KCNQ1: variants seen among roughly 807,000 people sequenced by gnomAD.
KCNQ1 encodes the protein potassium voltage-gated channel subfamily KQT member 1.
A neutral mutation model predicts 72.4 loss-of-function variants in KCNQ1; 49 were observed. That is an observed-to-expected ratio of 0.68 (90% CI 0.54 to 0.86). KCNQ1 has a LOEUF of 0.86. Among genes scored for constraint, KCNQ1 ranks in the 40% least tolerant of loss-of-function variants. KCNQ1 has a pLI of 0.00. For missense variants in KCNQ1, 790 were observed against 945.1 expected, an observed-to-expected ratio of 0.84 and a Z score of 2.15; for synonymous variants, 450 against 412.6, an observed-to-expected ratio of 1.09 and a Z score of -1.10.
chr11:2,534,800 C>G lies in KCNQ1; in HGVS notation c.477+6782C>G, dbSNP rs368230422. Among the ~76,000 whole-genome samples the G allele has an allele frequency of 1.7e-3, 258 of 152,366 alleles. 11 individuals carry two copies. In the South Asian group the frequency reaches 0.051, roughly 30 times the overall value. On this transcript the variant is annotated intron_variant, in intron 2 of 15. Coordinates refer to ENST00000155840, the MANE Select transcript of KCNQ1 (RefSeq NM_000218.3). Reference sequence around the variant, plus strand: ...CGTCTTCTCCCTGGCAGGGTTGTTTCCGCCTGCATTTGTTCAGCCAGCAAA... The same window carrying G: ...CGTCTTCTCCCTGGCAGGGTTGTTTGCGCCTGCATTTGTTCAGCCAGCAAA...
chr11:2,786,124 T>G (rs1373600972), intron 15 of KCNQ1, among the ~76,000 whole-genome samples: 1 of 152,156 alleles, frequency 6.6e-6, no homozygotes, highest in Non-Finnish European at 1.5e-5. Flanking sequence ...TTCATTTAAA[T>G]TTTCTTCAGT....
At position 2,673,949 on chromosome 11, in the gene KCNQ1, G is replaced by A; in HGVS notation, c.1514+11868G>A. The A allele has an allele frequency of 7.0e-6, 1 of 143,496 alleles. No homozygotes were observed. Among genetic ancestry groups the A allele is most frequent in the Non-Finnish European group, 1.5e-5 (1 of 65,798 alleles). 8.9% of individuals were successfully genotyped at this position (143,496 alleles called of 1,614,324 possible). On this transcript the variant is annotated intron_variant, in intron 11 of 15. Coordinates refer to ENST00000155840, the MANE Select transcript of KCNQ1 (RefSeq NM_000218.3). The surrounding 1 kb of genome is among the most constrained non-coding windows in gnomAD (Gnocchi z 4.5). ...GGAGTGTGTCTCTTTCCCCATGAGTGACAGCAGCCACAAGGGGATGCCCAG... is the reference window on the plus strand; with the variant it reads ...GGAGTGTGTCTCTTTCCCCATGAGTAACAGCAGCCACAAGGGGATGCCCAG...
At position 2,711,700 on chromosome 11, in the gene KCNQ1, GTGA is replaced by G. The variant is rs1851009923; in HGVS notation, c.1514+49620_1514+49622del. 6.6e-6 allele frequency among the ~76,000 whole-genome samples: 1 copy of G among 152,196 alleles called. No homozygotes were observed. The highest frequency in any genetic ancestry group is 2.1e-4 in the South Asian group (1 of 4,832). ...AATCGGTAAACTGTGCTTAAACTAA[GTGA>G]GGTATCTTAAGGCTTTACCACCAGG... On this transcript the variant is annotated intron_variant, in intron 11 of 15. Transcript: ENST00000155840. This position sits in a 1 kb window ranked among gnomAD's most constrained non-coding sequence, Gnocchi z 5.4.
chr11:2,684,491 T>A, intron 11 of KCNQ1: 1 of 398,680 alleles, frequency 2.5e-6, no homozygotes, highest in Non-Finnish European at 4.4e-6. Context: ...GGCTGAGTTC[T>A]CCTTCTATTC....
rs34219164 is a variant in KCNQ1, at chr11:2,674,832, TA to T, written c.1514+12779del. 37,278 of 298,882 alleles carry T rather than the reference TA, an allele frequency of 0.12. 4 individuals are homozygous for T. Among genetic ancestry groups the T allele is most frequent in the Middle Eastern group, 0.16 (199 of 1,260 alleles). 18.5% of individuals were successfully genotyped at this position (298,882 alleles called of 1,614,324 possible). A position where few individuals can be genotyped will look rare whatever the true frequency, so the allele number is the denominator to read the frequency against. On this transcript the variant is annotated intron_variant, in intron 11 of 15. Transcript: ENST00000155840. This position sits in a 1 kb window ranked among gnomAD's most constrained non-coding sequence, Gnocchi z 5.9. ...GCTTGTCACCCTAATAGCTGTTTTT[TA>T]AAAAAAAAAAAAAAAAAAAAAAAAA...
intron 1 of KCNQ1, among the ~76,000 whole-genome samples, chr11:2,449,953 C>T (rs908905173): frequency 2.6e-5 from 4 of 152,188 alleles, no homozygotes; most frequent in African/African-American, 4.8e-5. Flanking sequence ...CCTGATGCAG[C>T]GGGTCCAGGG....
chr11:2,741,046 T>C (rs186387094), intron 11 of KCNQ1, among the ~76,000 whole-genome samples: 2 of 152,236 alleles, frequency 1.3e-5, no homozygotes, highest in Admixed American at 1.3e-4. Context: ...TAGACTCCTT[T>C]GGGGGCGCCC....
chr11:2,568,821 C>G lies in KCNQ1; in HGVS notation c.478-1807C>G, dbSNP rs905471047. ...GAGGACAGAGGTGGGACCCACACCC[C>G]CCCCATGAGGCCACAGAGCCTGCAG... On this transcript the variant is annotated intron_variant, in intron 2 of 15. Coordinates refer to ENST00000155840, the MANE Select transcript of KCNQ1 (RefSeq NM_000218.3). Among the ~76,000 whole-genome samples, 4 of 152,242 alleles carry G rather than the reference C, an allele frequency of 2.6e-5. No individual in the cohort carries two copies. The South Asian group carries it at 6.2e-4, about 24-fold the overall frequency.
chr11:2,805,391 A>G (rs1339451253), intron 15 of KCNQ1, among the ~76,000 whole-genome samples: 2 of 152,198 alleles, frequency 1.3e-5, no homozygotes, highest in Non-Finnish European at 2.9e-5. Context: ...ACTCAAATCT[A>G]TGAGAAAAGC....
chr11:2,481,310 G>A lies in KCNQ1; in HGVS notation c.386+35826G>A, dbSNP rs577920228. Among the ~76,000 whole-genome samples, 1 of 152,334 alleles carries A rather than the reference G, an allele frequency of 6.6e-6. No individual in the cohort carries two copies. Among genetic ancestry groups the A allele is most frequent in the East Asian group, 1.9e-4 (1 of 5,192 alleles). On this transcript the variant is annotated intron_variant, in intron 1 of 15. Coordinates refer to ENST00000155840, the MANE Select transcript of KCNQ1 (RefSeq NM_000218.3). This position sits in a 1 kb window ranked among gnomAD's most constrained non-coding sequence, Gnocchi z 4.6. ...AAATGACTCATCGTACCAAAAGCCAGAGATGCCAGCTTTTAGTTTCCTGCT... is the reference window on the plus strand; with the variant it reads ...AAATGACTCATCGTACCAAAAGCCAAAGATGCCAGCTTTTAGTTTCCTGCT...
At chr11:2,489,199 C>A (rs1715540001) in intron 1 of KCNQ1, among the ~76,000 whole-genome samples, 2 of 152,186 alleles carry the variant, frequency 1.3e-5, no homozygotes, top group African/African-American at 4.8e-5. Flanking sequence ...GCCTCCCATC[C>A]CCCAGCTATG....
At position 2,521,917 on chromosome 11, in the gene KCNQ1, G is replaced by A. The variant is rs149802838; in HGVS notation, c.387-6011G>A. The stretch of plus-strand genomic sequence containing the variant: ...TCATGGAGTCTCCAGCCTTCAGCTC[G>A]CGTTAGCCCCAGGCCATCTGAGCCG... On this transcript the variant is annotated intron_variant, in intron 1 of 15. Transcript: ENST00000155840. 6.6e-3 allele frequency among the ~76,000 whole-genome samples: 998 copies of A among 152,332 alleles called. 5 individuals carry two copies. Among genetic ancestry groups the A allele is most frequent in the Non-Finnish European group, 1.0e-2 (678 of 68,020 alleles).
chr11:2,464,183 G>A lies in KCNQ1; in HGVS notation c.386+18699G>A, dbSNP rs1846319065. Among the ~76,000 whole-genome samples the A allele has an allele frequency of 6.6e-6, 1 of 152,222 alleles. No homozygotes were observed. Among genetic ancestry groups the A allele is most frequent in the African/African-American group, 2.4e-5 (1 of 41,448 alleles). On this transcript the variant is annotated intron_variant, in intron 1 of 15. Transcript: ENST00000155840. This position sits in a 1 kb window ranked among gnomAD's most constrained non-coding sequence, Gnocchi z 5.0. ...TACAAGCTGTACGCAGTGGGCCGCA[G>A]GCGCTCCCTGGGCCGGAACACATGG...
chr11:2,480,451 C>G (rs1377470271), intron 1 of KCNQ1, among the ~76,000 whole-genome samples: 1 of 152,194 alleles, frequency 6.6e-6, no homozygotes, highest in Non-Finnish European at 1.5e-5. Flanking sequence ...AGAATGAAAA[C>G]AGAGTGCAAG....
chr11:2,456,880 A>G (rs945748151), intron 1 of KCNQ1, among the ~76,000 whole-genome samples: 11 of 147,402 alleles, frequency 7.5e-5, no homozygotes, highest in Admixed American at 6.8e-4. Context: ...CGGAGCTTGC[A>G]GTAAGCCGAG....
rs953686275 is a variant in KCNQ1 at position 2,544,346 on chromosome 11, G to GTA, written c.477+16336_477+16337dup. 1.4e-5 allele frequency among the ~76,000 whole-genome samples: 2 copies of GTA among 146,428 alleles called. No individual in the cohort carries two copies. Among genetic ancestry groups the GTA allele is most frequent in the Non-Finnish European group, 3.0e-5 (2 of 67,200 alleles). On this transcript the variant is annotated intron_variant, in intron 2 of 15. Transcript: ENST00000155840. This position sits in a 1 kb window ranked among gnomAD's most constrained non-coding sequence, Gnocchi z 4.4. ...TATGTATATATATGTGTATGTATAT[G>GTA]TATATATATGTGTATATATATGTGT... is the stretch of plus-strand genomic sequence containing the variant.
At position 2,600,576 on chromosome 11, in the gene KCNQ1, A is replaced by G. The variant is rs1848789037; in HGVS notation, c.1393+11722A>G. Reference sequence around the variant, plus strand: ...TGTATTTCTGAAAAATAAAGATATTATCTTTGAAAGCAGTAATACAGTTAT... The same window carrying G: ...TGTATTTCTGAAAAATAAAGATATTGTCTTTGAAAGCAGTAATACAGTTAT... On this transcript the variant is annotated intron_variant, in intron 10 of 15. Transcript: ENST00000155840. This position sits in a 1 kb window ranked among gnomAD's most constrained non-coding sequence, Gnocchi z 5.6. Among the ~76,000 whole-genome samples the G allele has an allele frequency of 6.6e-6, 1 of 152,222 alleles. No individual in the cohort carries two copies. The highest frequency in any genetic ancestry group is 6.5e-5 in the Admixed American group (1 of 15,284).
At chr11:2,534,045 G>T (rs1421939931) in intron 2 of KCNQ1, among the ~76,000 whole-genome samples, 1 of 151,918 alleles carries the variant, frequency 6.6e-6, no homozygotes, top group African/African-American at 2.4e-5. Context: ...GCCAGCTGCA[G>T]CCTCCACTGC....
chr11:2,587,726 T>A (rs371540708), intron 9 of KCNQ1, 34 bp downstream of exon 9: 104 of 1,613,116 alleles, frequency 6.4e-5, no homozygotes, highest in Non-Finnish European at 8.5e-5. Context: ...GGCAGGGCCT[T>A]CTTGCTAGCA....
Sources: gnomAD v4.1 joint callset for allele counts (sites outside exome capture counted in the v4.1 genomes callset) on GRCh38, gnomAD v4.1.1 for gene constraint, Gnocchi (gnomAD v3.1) non-coding constraint, MANE v1.5 for transcripts, NCBI Gene and HGNC (gene_info 2026-07-23, HGNC 2026-07-21) for gene names.